Variants in CCDC7 observed in about 807,000 individuals in gnomAD.
The protein encoded by CCDC7 is coiled-coil domain containing 7.
In CCDC7, 183 loss-of-function variants were observed where a neutral mutation model predicts 196.9. That is an observed-to-expected ratio of 0.93 (90% CI 0.82 to 1.05). The LOEUF (loss-of-function observed/expected upper bound fraction) is 1.05, where lower values mean the gene tolerates loss of function less well. Ranked by LOEUF, CCDC7 falls within the 50% of genes least tolerant of loss-of-function variation. The pLI is 0.00. For missense variants in CCDC7, 1,540 were observed against 1,482.2 expected (o/e 1.04, Z -0.64); for synonymous variants, 525 against 484.6 (o/e 1.08, Z -1.10).
At position 32,511,266 on chromosome 10, in the gene CCDC7, G is replaced by GT. The variant is rs377024792; in HGVS notation, c.873-6679_873-6678insT. 1.5e-4 allele frequency: 86 copies of GT among 555,488 alleles called. 4 individuals carry two copies. The highest frequency in any genetic ancestry group is 1.5e-3 in the African/African-American group (66 of 44,714). 34.4% of individuals were successfully genotyped at this position (555,488 alleles called of 1,614,324 possible). A position where few individuals can be genotyped will look rare whatever the true frequency, so the allele number is the denominator to read the frequency against. ...CAGAATTATTCTGTGGGGGGCGGGG[G>GT]GGGCGGGGAAATGTACTTTTTGAAT... On this transcript the variant is annotated intron_variant, in intron 9 of 41. Coordinates refer to ENST00000639629, the Ensembl canonical transcript of CCDC7.
At chr10:32,862,672 A>G (rs2094047648) in intron 41 of CCDC7, among the ~76,000 whole-genome samples, 1 of 152,106 alleles carries the variant, frequency 6.6e-6, no homozygotes, top group East Asian at 1.9e-4. Context: ...TATTTGTTCA[A>G]CACAGTACTA....
chr10:32,756,378 A>G (rs1194902412), intron 28 of CCDC7, among the ~76,000 whole-genome samples: 1 of 152,276 alleles, frequency 6.6e-6, no homozygotes, highest in Non-Finnish European at 1.5e-5. Context: ...TTACCCACAA[A>G]GGGAAGGCCA....
intron 41 of CCDC7, among the ~76,000 whole-genome samples, chr10:32,874,131 A>C (rs1055078892): frequency 6.7e-6 from 1 of 149,336 alleles, no homozygotes; most frequent in Admixed American, 6.7e-5. Flanking sequence ...GCTGAAAGTC[A>C]TATATATATA....
At chr10:32,808,581 G>T (rs1312255725) in intron 30 of CCDC7, among the ~76,000 whole-genome samples, 2 of 133,440 alleles carry the variant, frequency 1.5e-5, no homozygotes, top group African/African-American at 2.5e-5. Context: ...ACCATGGCCA[G>T]CACTCAAGCA....
intron 13 of CCDC7, among the ~76,000 whole-genome samples, chr10:32,563,028 A>G (rs1034146108): frequency 5.9e-5 from 9 of 152,330 alleles, no homozygotes; most frequent in African/African-American, 1.9e-4. Flanking sequence ...GAGGCAAATC[A>G]TGAGTGAACT....
intron 3 of CCDC7, among the ~76,000 whole-genome samples, chr10:32,462,390 A>G (rs961310262): frequency 3.3e-5 from 5 of 152,094 alleles, no homozygotes; most frequent in Non-Finnish European, 5.9e-5. Flanking sequence ...GCACCGCTGC[A>G]CTCAAGCCTG....
At position 32,733,305 on chromosome 10, in the gene CCDC7, A is replaced by G. The variant is rs535610850; in HGVS notation, c.2905+3848A>G. Among the ~76,000 whole-genome samples the G allele has an allele frequency of 3.3e-5, 5 of 152,210 alleles. No homozygotes were observed. In the South Asian group the frequency reaches 1.0e-3, roughly 32 times the overall value. On this transcript the variant is annotated intron_variant, in intron 28 of 41. Coordinates refer to ENST00000639629, the Ensembl canonical transcript of CCDC7. ...AAAACATGAGAGAAAATATTGCTGG[A>G]TAATTGATATGTATTTTGAATTACA...
intron 41 of CCDC7, among the ~76,000 whole-genome samples, chr10:32,865,996 G>C (rs2094189346): frequency 6.6e-6 from 1 of 151,772 alleles, no homozygotes; most frequent in Non-Finnish European, 1.5e-5. Flanking sequence ...ACATCCTTTA[G>C]CTGTTCCTGC....
At chr10:32,459,646 A>ATTTTTTTCTTTTTTTT (rs2035169000) in intron 3 of CCDC7, among the ~76,000 whole-genome samples, 1 of 68,720 alleles carries the variant, frequency 1.5e-5, no homozygotes, top group East Asian at 4.2e-4. Context: ...CCTGCTGCAC[A>ATTTTTTTCTTTTTTTT]TTTTTTTTTT....
chr10:32,487,101 C>G (rs1392919775), intron 8 of CCDC7, among the ~76,000 whole-genome samples: 1 of 152,132 alleles, frequency 6.6e-6, no homozygotes, highest in Non-Finnish European at 1.5e-5. Context: ...CAACTTGGTT[C>G]CATTCTCCCC....
At chr10:32,876,177 A>G (rs944239930) in intron 41 of CCDC7, among the ~76,000 whole-genome samples, 170 bp from the exon 43 acceptor site, 5 of 152,058 alleles carry the variant, frequency 3.3e-5, no homozygotes, top group African/African-American at 1.2e-4. Flanking sequence ...AGAATGTCAC[A>G]GCATCATTCT....
At chr10:32,770,761 C>T (rs1386044097) in intron 28 of CCDC7, among the ~76,000 whole-genome samples, 1 of 152,002 alleles carries the variant, frequency 6.6e-6, no homozygotes, top group Non-Finnish European at 1.5e-5. Flanking sequence ...GCTAGGAGCT[C>T]CAGTGTTTGG....
At chr10:32,879,492 C>T (rs1238630232), downstream of CCDC7, among the ~76,000 whole-genome samples, 1 of 151,942 alleles carries the variant, frequency 6.6e-6, no homozygotes, top group Non-Finnish European at 1.5e-5. Context: ...AGTGCATGGC[C>T]CCAGTGCAGA....
At chr10:32,489,824 C>T (rs1227271826) in intron 8 of CCDC7, among the ~76,000 whole-genome samples, 1 of 151,994 alleles carries the variant, frequency 6.6e-6, no homozygotes, top group Non-Finnish European at 1.5e-5. Context: ...AACGTTCAAG[C>T]CAGTGCTGGA....
chr10:32,837,819 A>G (rs952462082), intron 33 of CCDC7, among the ~76,000 whole-genome samples: 4 of 151,602 alleles, frequency 2.6e-5, no homozygotes, highest in African/African-American at 7.3e-5. Context: ...GCAAACTATC[A>G]CAAGGACAAA....
intron 9 of CCDC7, among the ~76,000 whole-genome samples, chr10:32,495,349 A>G (rs540260248): frequency 6.6e-6 from 1 of 152,304 alleles, no homozygotes; most frequent in Admixed American, 6.5e-5. Context: ...TTACCTGTTC[A>G]GCCTAATGAT....
chr10:32,709,727 C>T (rs1358940596), intron 24 of CCDC7, among the ~76,000 whole-genome samples: 3 of 152,132 alleles, frequency 2.0e-5, no homozygotes, highest in African/African-American at 2.4e-5. Flanking sequence ...GTCATGGCCT[C>T]GGTGCTGGGG....
Position 32,497,374 on chromosome 10 carries a change from T to C in CCDC7, c.872+5377T>C, listed in dbSNP as rs2043082195. ...GATTCATTGATTTTTTGAAGGGCTT[T>C]TTGTGTCTCTATCTCCTTCAGTTCT... On this transcript the variant is annotated intron_variant, in intron 9 of 41. Transcript: ENST00000639629. 2.0e-5 allele frequency among the ~76,000 whole-genome samples: 3 copies of C among 152,222 alleles called. No individual in the cohort carries two copies. In the South Asian group the frequency reaches 6.2e-4, roughly 32 times the overall value.
chr10:32,570,730 C>T (rs772327413), intron 15 of CCDC7, among the ~76,000 whole-genome samples: 1 of 152,220 alleles, frequency 6.6e-6, no homozygotes, highest in East Asian at 1.9e-4. Context: ...TTTTTTCTCA[C>T]GTCCTATTTG....
Sources: allele counts gnomAD v4.1 joint callset (sites outside exome capture counted in the v4.1 genomes callset), GRCh38; gene constraint gnomAD v4.1.1; transcripts MANE v1.5; gene names NCBI Gene and HGNC (gene_info 2026-07-23, HGNC 2026-07-21).